CCDC88C: variants seen among roughly 807,000 people sequenced by gnomAD.
The protein encoded by CCDC88C is coiled-coil and HOOK domain protein 88C.
A neutral mutation model predicts 198.8 loss-of-function variants in CCDC88C; 131 were observed. That is an observed-to-expected ratio of 0.66 (90% confidence interval 0.57 to 0.76). CCDC88C has a LOEUF of 0.76. CCDC88C is among the 30% of genes least tolerant of loss of function. CCDC88C has a pLI of 0.00. For missense variants in CCDC88C, 2,553 were observed against 2,631.6 expected, an observed-to-expected ratio of 0.97 and a Z score of 0.65; for synonymous variants, 1,166 against 1,114.7, an observed-to-expected ratio of 1.05 and a Z score of -0.92.
At chr14:91,280,608 AAGC>A (rs1890156594) in intron 27 of CCDC88C, among the ~76,000 whole-genome samples, 1 of 152,200 alleles carries the variant, frequency 6.6e-6, no homozygotes, top group South Asian at 2.1e-4. Context: ...TTCCTAAGAG[AAGC>A]TAGAGGAAAC....
intron 3 of CCDC88C, among the ~76,000 whole-genome samples, chr14:91,385,035 T>C (rs1885043856): frequency 6.6e-6 from 1 of 152,186 alleles, no homozygotes; most frequent in South Asian, 2.1e-4. Context: ...GGAAGCCTTT[T>C]CTAATGAGCC....
chr14:91,322,867 C>T (rs1039394168), intron 12 of CCDC88C, among the ~76,000 whole-genome samples: 5 of 150,712 alleles, frequency 3.3e-5, no homozygotes, highest in African/African-American at 9.8e-5. Context: ...ACTATTAAAA[C>T]GACACAATGG....
intron 6 of CCDC88C, among the ~76,000 whole-genome samples, chr14:91,340,300 C>A (rs1271542502): frequency 6.6e-6 from 1 of 151,932 alleles, no homozygotes; most frequent in Non-Finnish European, 1.5e-5. Flanking sequence ...CCTATAGGGT[C>A]CTGGGATAAG....
Position 91,272,788 on chromosome 14 carries a change from T to G in CCDC88C, c.5924A>C (p.Glu1975Ala). The G allele has an allele frequency of 6.2e-7, 1 of 1,605,082 alleles. No homozygotes were observed. The highest frequency in any genetic ancestry group is 8.5e-7 in the Non-Finnish European group (1 of 1,176,978). The part of the protein sequence containing the change: ...GDGVPGQGCS[E>A]GLPAKSPGRS... ...ACCTGGGCTCTTGGCCGGAAGCCCC[T>G]CACTGCAGCCCTGCCCCGGGACCCC... Residue 1975 changes from glutamate to alanine, a missense_variant, in exon 30 of 30, where the codon GAG becomes GCG. Around this residue, in one of 2 missense-constraint regions of CCDC88C, gnomAD observed 1,293 missense variants for 1,219.6 expected, o/e 1.06. Transcript: ENST00000389857.
At chr14:91,283,196 A>C (rs1890269926) in intron 26 of CCDC88C, 133 bp downstream of exon 26, 4 of 913,430 alleles carry the variant, frequency 4.4e-6, no homozygotes, top group Non-Finnish European at 6.5e-6. Context: ...AAAGCCTGTC[A>C]GCAGCCTCAC....
intron 22 of CCDC88C, among the ~76,000 whole-genome samples, chr14:91,296,117 G>C (rs2139763100): frequency 6.6e-6 from 1 of 152,276 alleles, no homozygotes; most frequent in Non-Finnish European, 1.5e-5. Flanking sequence ...CTCCAGCCCA[G>C]GGAGACGAAC....
At chr14:91,304,524 G>A (rs1276059537) in intron 19 of CCDC88C, among the ~76,000 whole-genome samples, 1 of 152,236 alleles carries the variant, frequency 6.6e-6, no homozygotes, top group Non-Finnish European at 1.5e-5. Context: ...AGGAGTTGGA[G>A]GTTATAGTGA....
intron 29 of CCDC88C, among the ~76,000 whole-genome samples, chr14:91,277,394 A>T (rs779171809): frequency 6.6e-6 from 1 of 152,230 alleles, no homozygotes. Context: ...TGAAATTCAA[A>T]TGTCAGTGTC....
intron 12 of CCDC88C, among the ~76,000 whole-genome samples, chr14:91,321,812 A>C (rs1461355631): frequency 1.3e-5 from 2 of 152,362 alleles, no homozygotes; most frequent in Middle Eastern, 3.4e-3. Context: ...GATGCTATGC[A>C]GAGATTTCTT....
intron 29 of CCDC88C, 29 bp downstream of exon 29, chr14:91,277,893 C>G: frequency 6.8e-7 from 1 of 1,460,676 alleles, no homozygotes; most frequent in Non-Finnish European, 9.1e-7. Context: ...GGAAGAGAGA[C>G]GGGCCAAGTC....
chr14:91,295,125 T>C (rs1787438877), intron 22 of CCDC88C, among the ~76,000 whole-genome samples: 1 of 151,988 alleles, frequency 6.6e-6, no homozygotes, highest in African/African-American at 2.4e-5. Context: ...ACACCGGAGG[T>C]GGGAAACATA....
In CCDC88C at chr14:91,272,476, C is replaced by T. The variant is rs1023027190; in HGVS notation, c.*149G>A. On this transcript the variant is annotated 3_prime_UTR_variant, in exon 30 of 30. Transcript: ENST00000389857. ...CTCTTGGGGCTTGGCACAGTGTTTC[C>T]ATTCACAGAACAAACAGCAGAAATG... The T allele has an allele frequency of 3.8e-6, 3 of 793,596 alleles. No homozygotes were observed. Among genetic ancestry groups the T allele is most frequent in the Admixed American group, 2.7e-5 (1 of 36,584 alleles). The allele number at this position is 793,596 out of a possible 1,614,324, so 49.2% of individuals were successfully genotyped here.
At chr14:91,359,855 G>C in intron 3 of CCDC88C, 144 bp from the exon 4 acceptor site, 2 of 698,952 alleles carry the variant, frequency 2.9e-6, no homozygotes, top group South Asian at 1.6e-5. Context: ...TGACAGCAAG[G>C]AGCACGTAAG....
chr14:91,398,977 G>C (rs979963265), intron 3 of CCDC88C, among the ~76,000 whole-genome samples: 3 of 152,140 alleles, frequency 2.0e-5, no homozygotes, highest in African/African-American at 7.2e-5. Flanking sequence ...CTGGGCCTCG[G>C]GCAGCCCTGT....
At chr14:91,411,432 C>A (rs1405581558) in intron 2 of CCDC88C, among the ~76,000 whole-genome samples, 2 of 152,130 alleles carry the variant, frequency 1.3e-5, no homozygotes. Flanking sequence ...GCTTCTGTAC[C>A]ACAGGAAGAT....
Position 91,307,060 on chromosome 14 carries a change from C to G in CCDC88C, c.3173G>C (p.Arg1058Pro), listed in dbSNP as rs193256140. The stretch of plus-strand genomic sequence containing the variant: ...CACATTCCGCTCCAGCTCGATGGCC[C>G]GGTCCTTCACTCGGAGAAGCTCCAT... The part of the protein sequence containing the change: ...ATMELLRVKD[R>P]AIELERNNAA... The change falls in exon 18 of 30, where the codon CGG becomes CCG. Residue 1058 changes from arginine (R) to proline (P), a missense_variant. Arg to Pro is a moderately radical substitution (Grantham distance 103). Coordinates refer to ENST00000389857, the MANE Select transcript of CCDC88C (RefSeq NM_001080414.4). 8.7e-5 allele frequency: 141 copies of G among 1,612,968 alleles called. No individual in the cohort carries two copies. The highest frequency in any genetic ancestry group is 1.2e-4 in the Non-Finnish European group (139 of 1,179,420).
intron 4 of CCDC88C, among the ~76,000 whole-genome samples, chr14:91,351,462 C>T (rs1893790759): frequency 6.6e-6 from 1 of 152,126 alleles, no homozygotes; most frequent in Admixed American, 6.5e-5. Context: ...GGGGTACTTC[C>T]TAGGCACTGC....
chr14:91,324,756 C>T (rs201791733), intron 12 of CCDC88C, 23 bp downstream of exon 12: 25 of 1,606,344 alleles, frequency 1.6e-5, no homozygotes, highest in Non-Finnish European at 2.0e-5. Context: ...CAGGCTGGCT[C>T]CCCGGCACCA....
chr14:91,359,778 A>G (rs1210341387), intron 3 of CCDC88C, 67 bp from the exon 4 acceptor site: 1 of 1,398,028 alleles, frequency 7.2e-7, no homozygotes, highest in Non-Finnish European at 1.0e-6. Context: ...GGATTAAGTA[A>G]ATTACAAGTA....
Sources: gnomAD v4.1 joint callset for allele counts (sites outside exome capture counted in the v4.1 genomes callset) on GRCh38, gnomAD v4.1.1 for gene constraint, gnomAD v4.1.1 regional missense constraint, MANE v1.5 for transcripts, NCBI Gene and HGNC (gene_info 2026-07-23, HGNC 2026-07-21) for gene names.